MID1: variants seen among roughly 807,000 people sequenced by gnomAD.
MID1 encodes E3 ubiquitin-protein ligase Midline-1.
MID1 carries 7 observed loss-of-function variants against 40.4 expected under a neutral mutation model. The observed-to-expected ratio is 0.17, with a 90% CI of 0.10 to 0.33. The LOEUF is 0.33. MID1 is among the 10% of genes least tolerant of loss of function. MID1 has a pLI of 1.00. For synonymous variants in MID1, 229 were observed against 221.2 expected, an observed-to-expected ratio of 1.04 and a Z score of -0.31; for missense variants, 367 against 558.5, an observed-to-expected ratio of 0.66 and a Z score of 3.46.
intron 1 of MID1, among the ~76,000 whole-genome samples, chrX:10,777,747 G>T (rs936561396): frequency 4.5e-5 from 5 of 110,827 alleles, no homozygotes; most frequent in African/African-American, 1.6e-4. Flanking sequence ...CACCATGTTG[G>T]TCAGGCTGGT....
Position 10,567,209 on chromosome X carries a change from G to T in MID1, c.339C>A (p.Ser113=). The T allele has an allele frequency of 8.3e-7, 1 of 1,211,529 alleles. No individual in the cohort carries two copies. The highest frequency in any genetic ancestry group is 3.0e-5 in the East Asian group (1 of 33,841). The change falls in exon 2 of 10, where the codon TCC becomes TCA. Residue 113 remains serine, a synonymous_variant. Transcript: ENST00000317552. ...AAAACTGGCAGAGGACCTTCTCGGC[G>T]GAGGTCATGGTGTTGGCGTCAAAGG... ...ERAFDANTMT[S]AEKVLCQFCD... is the part of the protein sequence containing the mutation.
At chrX:10,800,117 T>C (rs976014232) in intron 1 of MID1, among the ~76,000 whole-genome samples, 3 of 111,503 alleles carry the variant, frequency 2.7e-5, no homozygotes, top group African/African-American at 9.8e-5. Flanking sequence ...TTATAGGACA[T>C]GGCAACATTG....
intron 1 of MID1, among the ~76,000 whole-genome samples, chrX:10,584,666 C>G (rs1411824552): frequency 1.8e-5 from 2 of 112,515 alleles, no homozygotes; most frequent in African/African-American, 6.5e-5. Flanking sequence ...ACAATAATAT[C>G]AAAAAGCATC....
chrX:10,568,378 G>A (rs1388132398), intron 1 of MID1, among the ~76,000 whole-genome samples: 3 of 111,987 alleles, frequency 2.7e-5, no homozygotes, highest in African/African-American at 9.7e-5. Context: ...GCTGCAGTAA[G>A]TTTGAGTACC....
chrX:10,517,482 A>T, intron 3 of MID1, among the ~76,000 whole-genome samples: 1 of 112,405 alleles, frequency 8.9e-6, no homozygotes, highest in Middle Eastern at 4.6e-3. Context: ...ATAACCAAAA[A>T]TGTCATTTCC....
Position 10,469,690 on chromosome X carries a change from T to A in MID1, c.1285+7A>T. 6 of 1,062,512 alleles carry A rather than the reference T, an allele frequency of 5.6e-6. No homozygotes were observed. The highest frequency in any genetic ancestry group is 7.9e-6 in the Non-Finnish European group (6 of 759,256). The allele number at this position is 1,062,512 out of a possible 1,213,427, so 87.6% of individuals were successfully genotyped here. On this transcript the variant is annotated splice_region_variant and intron_variant, in intron 7 of 9. Transcript: ENST00000317552. ...AGACAGAAATAAATAGGCCATGAGA[T>A]ACTCACTAACGACGTTGGCTTGTCC...
At chrX:10,738,200 A>C (rs2043499552) in intron 1 of MID1, among the ~76,000 whole-genome samples, 1 of 112,373 alleles carries the variant, frequency 8.9e-6, no homozygotes, top group Non-Finnish European at 1.9e-5. Context: ...ATTGTAAAAA[A>C]CATTATGTTT....
chrX:10,734,086 G>A (rs1029105095), intron 1 of MID1, among the ~76,000 whole-genome samples: 2 of 112,221 alleles, frequency 1.8e-5, no homozygotes, highest in African/African-American at 6.5e-5. Flanking sequence ...ACATGTGCAC[G>A]CAAATGTTCT....
intron 1 of MID1, among the ~76,000 whole-genome samples, chrX:10,766,908 C>CA (rs61259004): frequency 3.0e-3 from 169 of 57,226 alleles, no homozygotes; most frequent in Middle Eastern, 0.021. Context: ...GACCCTGCCT[C>CA]AAAAAAAAAA....
In MID1 at chrX:10,483,349, A is replaced by C. The variant is rs142416182; in HGVS notation, c.865-721T>G. On this transcript the variant is annotated intron_variant, in intron 4 of 9. Transcript: ENST00000317552. ...CATTTCCCAGTTGGGATAAAAACGC[A>C]TGATTGCTTCACAACCTCCATTCCA... 2.8e-3 allele frequency among the ~76,000 whole-genome samples: 310 copies of C among 112,109 alleles called. 1 individual carries two copies. The highest frequency in any genetic ancestry group is 9.4e-3 in the African/African-American group (291 of 30,869).
chrX:10,743,320 G>T (rs1259034671), intron 1 of MID1, among the ~76,000 whole-genome samples: 2 of 112,644 alleles, frequency 1.8e-5, no homozygotes, highest in African/African-American at 3.2e-5. Flanking sequence ...TGGCAATGTG[G>T]TGGCGATGGG....
At chrX:10,805,421 T>C (rs892632017) in intron 1 of MID1, among the ~76,000 whole-genome samples, 3 of 108,190 alleles carry the variant, frequency 2.8e-5, no homozygotes, top group African/African-American at 1.0e-4. Flanking sequence ...TATGGCTGCA[T>C]AGTATTCCAT....
chrX:10,538,730 T>C (rs1194708421), intron 2 of MID1, among the ~76,000 whole-genome samples: 2 of 112,173 alleles, frequency 1.8e-5, no homozygotes, highest in Non-Finnish European at 3.8e-5. Flanking sequence ...GTTACGTCTT[T>C]CTACTAAACT....
At chrX:10,552,146 C>G (rs1933934009) in intron 2 of MID1, among the ~76,000 whole-genome samples, 1 of 94,926 alleles carries the variant, frequency 1.1e-5, no homozygotes, top group Non-Finnish European at 2.1e-5. Context: ...AATACACAAA[C>G]AGCATGCAAT....
chrX:10,482,513 C>T lies in MID1; in HGVS notation c.980G>A (p.Arg327His). 2 of 1,211,047 alleles carry T rather than the reference C, an allele frequency of 1.7e-6. No individual in the cohort carries two copies. The highest frequency in any genetic ancestry group is 1.8e-5 in the South Asian group (1 of 56,959). The change falls in exon 5 of 10, where the codon CGT (arginine) becomes CAT (histidine). Residue 327 changes from arginine (R) to histidine (H), a missense_variant. By Grantham distance (29) the Arg-to-His change is conservative (BLOSUM62 0). Coordinates refer to ENST00000317552, the MANE Select transcript of MID1 (RefSeq NM_000381.4). ...GATATTCTTAGCAGTCTGTAGGAAACGCGCATGATCATTCTCCTTCAGAGA... is the reference window on the plus strand; with the variant it reads ...GATATTCTTAGCAGTCTGTAGGAAATGCGCATGATCATTCTCCTTCAGAGA... ...EHSLKENDHA[R>H]FLQTAKNITE...
chrX:10,485,444 G>T (rs754525176), intron 4 of MID1, among the ~76,000 whole-genome samples: 7 of 112,152 alleles, frequency 6.2e-5, no homozygotes, highest in Non-Finnish European at 1.1e-4. Context: ...CACATAAAAA[G>T]ATTCTGTATG....
chrX:10,543,689 A>G (rs908563027), intron 2 of MID1, among the ~76,000 whole-genome samples: 2 of 110,449 alleles, frequency 1.8e-5, no homozygotes, highest in African/African-American at 6.6e-5. Flanking sequence ...CTAAAAATAT[A>G]AAAATTAGCT....
At chrX:10,775,680 G>A (rs2043797555) in intron 1 of MID1, among the ~76,000 whole-genome samples, 2 of 111,651 alleles carry the variant, frequency 1.8e-5, no homozygotes, top group South Asian at 7.6e-4. Flanking sequence ...TCAAGGGATT[G>A]TAATAAATGG....
rs147240968 is a variant in MID1, at chrX:10,556,757, C to T, written c.660+10131G>A. On this transcript the variant is annotated intron_variant, in intron 2 of 9. Transcript: ENST00000317552. ...GCTTAAAGTCCATACCTCATGGGTA[C>T]GCAACAACGTTGTGTCATACCCAAA... 1.0e-2 allele frequency among the ~76,000 whole-genome samples: 1,120 copies of T among 112,246 alleles called. 18 individuals carry two copies. Among genetic ancestry groups the T allele is most frequent in the African/African-American group, 0.034 (1,057 of 30,877 alleles).
Sources: allele counts gnomAD v4.1 joint callset (sites outside exome capture counted in the v4.1 genomes callset), GRCh38; gene constraint gnomAD v4.1.1; transcripts MANE v1.5; gene names NCBI Gene and HGNC (gene_info 2026-07-23, HGNC 2026-07-21).